Variants in PDIA5 observed in about 807,000 individuals in gnomAD.
PDIA5 encodes protein disulfide isomerase family A member 5.
In PDIA5, 58 loss-of-function variants were observed where a neutral mutation model predicts 77.6. The ratio of observed to expected loss-of-function variants is 0.75; its 90% confidence interval spans 0.61 to 0.93. The LOEUF is 0.93. PDIA5 is among the 40% of genes least tolerant of loss of function. The pLI, the probability that PDIA5 is intolerant of heterozygous loss-of-function variation, is 0.00. For synonymous variants in PDIA5, 250 were observed against 252.1 expected, an observed-to-expected ratio of 0.99 and a Z score of 0.08; for missense variants, 630 against 647.7, an observed-to-expected ratio of 0.97 and a Z score of 0.30.
At chr3:123,120,828 C>T (rs1935097642) in intron 8 of PDIA5, among the ~76,000 whole-genome samples, 1 of 152,050 alleles carries the variant, frequency 6.6e-6, no homozygotes, top group Non-Finnish European at 1.5e-5. Flanking sequence ...TTTACTGAGG[C>T]ATCATCAGGC....
chr3:123,105,578 A>G (rs140015655), intron 5 of PDIA5, among the ~76,000 whole-genome samples: 10 of 152,314 alleles, frequency 6.6e-5, no homozygotes, highest in East Asian at 1.9e-4. Flanking sequence ...ATGAAATCCT[A>G]TGAAGTCTTG....
intron 5 of PDIA5, among the ~76,000 whole-genome samples, chr3:123,106,459 T>C (rs1298327718): frequency 6.6e-6 from 1 of 152,212 alleles, no homozygotes; most frequent in Non-Finnish European, 1.5e-5. Flanking sequence ...TTCTCTTTTT[T>C]GTCCTTGAAG....
intron 6 of PDIA5, among the ~76,000 whole-genome samples, chr3:123,109,315 T>C (rs1934811678): frequency 6.6e-6 from 1 of 152,234 alleles, no homozygotes; most frequent in Non-Finnish European, 1.5e-5. Flanking sequence ...CATCTTTGAA[T>C]GTAATATCTG....
chr3:123,127,321 T>C (rs911190756), intron 10 of PDIA5, among the ~76,000 whole-genome samples: 2 of 152,234 alleles, frequency 1.3e-5, no homozygotes, highest in African/African-American at 4.8e-5. Context: ...AATTCTCCTT[T>C]CAATGTTTGC....
intron 3 of PDIA5, among the ~76,000 whole-genome samples, chr3:123,100,017 G>A (rs1934542108): frequency 6.6e-6 from 1 of 152,228 alleles, no homozygotes; most frequent in African/African-American, 2.4e-5. Context: ...GGGCTGATGG[G>A]GCTGAGGGAG....
intron 10 of PDIA5, among the ~76,000 whole-genome samples, chr3:123,125,788 T>C (rs1266232682): frequency 1.3e-5 from 2 of 152,252 alleles, no homozygotes; most frequent in African/African-American, 2.4e-5. Context: ...CTTTTATTTC[T>C]TGGAAGCATT....
At chr3:123,157,468 C>T (rs1479122958) in intron 15 of PDIA5, among the ~76,000 whole-genome samples, 1 of 152,132 alleles carries the variant, frequency 6.6e-6, no homozygotes, top group African/African-American at 2.4e-5. Context: ...GATCCAGGCC[C>T]AGAGAGGAGC....
In PDIA5 at chr3:123,161,391, G is replaced by A; in HGVS notation, c.1415G>A (p.Gly472Asp). The A allele has an allele frequency of 1.2e-6, 2 of 1,614,180 alleles. No homozygotes were observed. The highest frequency in any genetic ancestry group is 2.2e-5 in the East Asian group (1 of 44,882). The change falls in exon 16 of 17, where the codon GGC (glycine) becomes GAC (aspartate). Residue 472 changes from glycine (G) to aspartate (D), a missense_variant. Coordinates refer to ENST00000316218, the MANE Select transcript of PDIA5 (RefSeq NM_006810.4). ...QDLCQQEAVKGYPTFHYYHYG... is the reference protein window; with the variant it reads ...QDLCQQEAVKDYPTFHYYHYG... ...CTGTGCCAGCAGGAGGCGGTCAAGG[G>A]CTACCCCACTTTCCACTACTACCAC...
chr3:123,111,083 G>A (rs1011388381), intron 7 of PDIA5, 79 bp downstream of exon 7: 7 of 951,682 alleles, frequency 7.4e-6, no homozygotes, highest in South Asian at 2.7e-5. Context: ...GGTTGCGGGC[G>A]GGGTCTGGGG....
chr3:123,160,007 A>G (rs1255933019), intron 15 of PDIA5, among the ~76,000 whole-genome samples: 2 of 152,220 alleles, frequency 1.3e-5, no homozygotes, highest in African/African-American at 2.4e-5. Context: ...ATCTTATTGA[A>G]TCACCCTCTT....
rs138601953 is a variant in PDIA5, at chr3:123,090,873, C to T, written c.170-1482C>T. Reference sequence around the variant, plus strand: ...CTCCTGCTTTCATTGCCTGATGGGGCCTGGGCAATTATTTTAACTTCCTGC... The same window carrying T: ...CTCCTGCTTTCATTGCCTGATGGGGTCTGGGCAATTATTTTAACTTCCTGC... On this transcript the variant is annotated intron_variant, in intron 2 of 16. Coordinates refer to ENST00000316218, the MANE Select transcript of PDIA5 (RefSeq NM_006810.4). Among the ~76,000 whole-genome samples the T allele has an allele frequency of 2.4e-3, 365 of 152,234 alleles. 2 individuals carry two copies. Among genetic ancestry groups the T allele is most frequent in the Middle Eastern group, 3.4e-3 (1 of 294 alleles).
intron 3 of PDIA5, among the ~76,000 whole-genome samples, chr3:123,093,443 C>T (rs1051338422): frequency 6.6e-6 from 1 of 152,100 alleles, no homozygotes; most frequent in Non-Finnish European, 1.5e-5. Flanking sequence ...AAGTAAAAAG[C>T]CTATTAAATG....
chr3:123,109,898 CGGTT>C (rs950439996), intron 6 of PDIA5, among the ~76,000 whole-genome samples: 1 of 152,230 alleles, frequency 6.6e-6, no homozygotes, highest in African/African-American at 2.4e-5. Context: ...TCCTCTTTAT[CGGTT>C]TTAATGATGC....
intron 8 of PDIA5, among the ~76,000 whole-genome samples, 186 bp from the exon 9 acceptor site, chr3:123,123,880 A>T (rs1402023380): frequency 6.6e-6 from 1 of 152,214 alleles, no homozygotes; most frequent in East Asian, 1.9e-4. Flanking sequence ...TGACTTCTCC[A>T]GCGCCAGGTC....
intron 3 of PDIA5, among the ~76,000 whole-genome samples, chr3:123,097,658 A>G (rs1934475860): frequency 6.6e-6 from 1 of 151,812 alleles, no homozygotes; most frequent in African/African-American, 2.4e-5. Flanking sequence ...TCAGGCAGTC[A>G]CTCAGTATTT....
rs768825345 is a variant in PDIA5 at position 123,154,985 on chromosome 3, A to G, written c.1288A>G (p.Lys430Glu). 3.7e-6 allele frequency: 6 copies of G among 1,611,018 alleles called. No individual in the cohort carries two copies. In the South Asian group the frequency reaches 6.6e-5, roughly 18 times the overall value. ...MFYAPWCPHC[K>E]KVIPHFTATA... The stretch of plus-strand genomic sequence containing the variant: ...CTCTCACACAGGGTGCCCACACTGT[A>G]AGAAGGTCATTCCGCACTTTACTGC... Residue 430 changes from lysine (K) to glutamate (E), a missense_variant, in exon 15 of 17, where the codon AAG becomes GAG. Lys to Glu is a moderately conservative substitution (Grantham distance 56). Coordinates refer to ENST00000316218, the MANE Select transcript of PDIA5 (RefSeq NM_006810.4).
At chr3:123,111,701 A>G (rs1039600933) in intron 7 of PDIA5, among the ~76,000 whole-genome samples, 15 of 152,340 alleles carry the variant, frequency 9.8e-5, no homozygotes, top group Admixed American at 5.2e-4. Context: ...GTGGCTTTCA[A>G]ACTTTTTGAC....
At chr3:123,156,142 C>A (rs1454520267) in intron 15 of PDIA5, among the ~76,000 whole-genome samples, 1 of 152,090 alleles carries the variant, frequency 6.6e-6, no homozygotes, top group Non-Finnish European at 1.5e-5. Context: ...CTTAACAGGC[C>A]CAGAGACAGT....
At chr3:123,116,939 A>G (rs1383270684) in intron 8 of PDIA5, among the ~76,000 whole-genome samples, 1 of 151,808 alleles carries the variant, frequency 6.6e-6, no homozygotes, top group Non-Finnish European at 1.5e-5. Flanking sequence ...AAGAGGAGCC[A>G]CTAAGGAAAT....
Sources: allele counts gnomAD v4.1 joint callset (sites outside exome capture counted in the v4.1 genomes callset), GRCh38; gene constraint gnomAD v4.1.1; transcripts MANE v1.5; gene names NCBI Gene and HGNC (gene_info 2026-07-23, HGNC 2026-07-21).